The following EPRS1 variants were observed in gnomAD, a reference collection of about 807,000 sequenced individuals.
The protein encoded by EPRS1 is bifunctional glutamate/proline--tRNA ligase.
A neutral mutation model predicts 188.3 loss-of-function variants in EPRS1; 107 were observed. The ratio of observed to expected loss-of-function variants is 0.57; its 90% confidence interval spans 0.49 to 0.67. The LOEUF is 0.67. EPRS1 is among the 30% of genes least tolerant of loss of function. The pLI is 0.00. For synonymous variants in EPRS1, 596 were observed against 593.1 expected, an observed-to-expected ratio of 1.00 and a Z score of -0.07; for missense variants, 1,577 against 1,802.2, an observed-to-expected ratio of 0.88 and a Z score of 2.26.
In EPRS1 at chr1:220,007,252, C is replaced by G. The variant is rs779303670; in HGVS notation, c.1692G>C (p.Glu564Asp). Residue 564 changes from glutamate (E) to aspartate (D), a missense_variant, in exon 14 of 32, where the codon GAG (glutamate) becomes GAC (aspartate). Glu to Asp is a conservative substitution (Grantham distance 45). Coordinates refer to ENST00000366923, the MANE Select transcript of EPRS1 (RefSeq NM_004446.3). ...TGCCCCAATTTATAAATGTAACCAT[C>G]TCACCCTCCGAAAAAGTCTCTGCAT... Reference protein sequence around the residue: ...GADAETFSEGEMVTFINWGNL... With the variant: ...GADAETFSEGDMVTFINWGNL... The G allele has an allele frequency of 1.9e-6, 3 of 1,613,896 alleles. No individual in the cohort carries two copies. The highest frequency in any genetic ancestry group is 1.1e-5 in the South Asian group (1 of 91,082).
At chr1:220,018,324 A>G (rs1331146845) in intron 12 of EPRS1, 125 bp downstream of exon 12, 3 of 973,726 alleles carry the variant, frequency 3.1e-6, no homozygotes, top group Non-Finnish European at 4.8e-6. Flanking sequence ...CATTTTCCTG[A>G]AAGTCTGCAA....
Position 220,033,580 on chromosome 1 carries a change from G to A in EPRS1, c.310C>T (p.His104Tyr). The change falls in exon 4 of 32, where the codon CAT (histidine) becomes TAT (tyrosine). Residue 104 changes from histidine to tyrosine, a missense_variant. By Grantham distance (83) the His-to-Tyr change is moderately conservative (BLOSUM62 2). This residue lies in a region of EPRS1 where 1,278 missense variants were observed against 1,457.4 expected (regional missense o/e 0.88). Transcript: ENST00000366923. ...SFTSTINELN[H>Y]CLSLRTYLVG... ...AAGTATGTTCTCAGAGACAGGCAAT[G>A]ATTGAGTTCATTAATTGTAGAAGTA... 1 of 1,609,666 alleles carries A rather than the reference G, an allele frequency of 6.2e-7. No homozygotes were observed. Among genetic ancestry groups the A allele is most frequent in the East Asian group, 2.2e-5 (1 of 44,790 alleles).
intron 26 of EPRS1, 123 bp downstream of exon 26, chr1:219,979,962 T>C (rs1404167588): frequency 8.4e-6 from 7 of 837,900 alleles, no homozygotes; most frequent in East Asian, 2.5e-5. Flanking sequence ...GAAATTATTA[T>C]ACGAAAGTAC....
At chr1:220,001,564 T>G (rs1661353192) in intron 16 of EPRS1, among the ~76,000 whole-genome samples, 1 of 152,152 alleles carries the variant, frequency 6.6e-6, no homozygotes, top group Admixed American at 6.5e-5. Context: ...CTTGAACTCC[T>G]AACCTCAAGT....
At chr1:219,987,881 T>C (rs1661035657) in intron 19 of EPRS1, among the ~76,000 whole-genome samples, 2 of 152,170 alleles carry the variant, frequency 1.3e-5, no homozygotes, top group African/African-American at 4.8e-5. Context: ...AAATGCTCAA[T>C]AGCCACATGT....
rs547053206 is a variant in EPRS1 at position 220,003,206 on chromosome 1, A to C, written c.2064-1951T>G. Among the ~76,000 whole-genome samples the C allele has an allele frequency of 1.4e-4, 21 of 152,300 alleles. No homozygotes were observed. In the South Asian group the frequency reaches 4.1e-3, roughly 30 times the overall value. ...GATATTTCATTGTCATTTTCATCTG[A>C]ATTTCCCTAACAACTAATGATGCTG... On this transcript the variant is annotated intron_variant, in intron 16 of 31. Coordinates refer to ENST00000366923, the MANE Select transcript of EPRS1 (RefSeq NM_004446.3).
Position 220,020,189 on chromosome 1 carries a change from A to G in EPRS1, c.1148T>C (p.Ile383Thr), listed in dbSNP as rs753465608. 1.2e-6 allele frequency: 2 copies of G among 1,613,620 alleles called. No individual in the cohort carries two copies. Among genetic ancestry groups the G allele is most frequent in the Non-Finnish European group, 1.7e-6 (2 of 1,179,758 alleles). Residue 383 changes from isoleucine (I) to threonine (T), a missense_variant, in exon 10 of 32, where the codon ATA (isoleucine) becomes ACA (threonine). By Grantham distance (89) the Ile-to-Thr change is moderately conservative. This residue lies in a region of EPRS1 where 1,278 missense variants were observed against 1,457.4 expected (regional missense o/e 0.88). Coordinates refer to ENST00000366923, the MANE Select transcript of EPRS1 (RefSeq NM_004446.3). ...TGTAACACCTTCGATGCTGTCAACT[A>G]TGGGGCAGGCAAAATCATATGTTGG... Reference protein sequence around the residue: ...VYPTYDFACPIVDSIEGVTHA... With the variant: ...VYPTYDFACPTVDSIEGVTHA...
Position 219,979,596 on chromosome 1 carries a change from A to T in EPRS1, c.3731T>A (p.Leu1244Ter), listed in dbSNP as rs758487036. ...RAIQGGTSHH[L>*]GQNFSKMFEI... Reference sequence around the variant, plus strand: ...AAACATTTTGGAAAAATTCTGCCCTAAATGATGTGATGTTCCTCCCTAAAA... The same window carrying T: ...AAACATTTTGGAAAAATTCTGCCCTTAATGATGTGATGTTCCTCCCTAAAA... The change falls in exon 27 of 32, where the codon TTA becomes TAA. Residue 1244 changes from leucine (L) to a stop codon, truncating the protein, a stop_gained. Transcript: ENST00000366923. LOFTEE classifies it high-confidence loss of function. 6.2e-7 allele frequency: 1 copy of T among 1,612,922 alleles called. No homozygotes were observed. Among genetic ancestry groups the T allele is most frequent in the Admixed American group, 1.7e-5 (1 of 60,014 alleles).
chr1:220,028,241 T>C (rs1384781033), intron 6 of EPRS1, among the ~76,000 whole-genome samples: 1 of 152,116 alleles, frequency 6.6e-6, no homozygotes, highest in Non-Finnish European at 1.5e-5. Flanking sequence ...AGATTAACAA[T>C]TAGTACCTAT....
chr1:219,987,077 A>T, intron 20 of EPRS1, 65 bp downstream of exon 20: 1 of 1,529,678 alleles, frequency 6.5e-7, no homozygotes, highest in Non-Finnish European at 8.8e-7. Flanking sequence ...AATTTGTTTT[A>T]AAAACTATTA....
intron 9 of EPRS1, among the ~76,000 whole-genome samples, chr1:220,020,518 A>AT (rs781188030): frequency 2.6e-4 from 39 of 152,256 alleles, no homozygotes; most frequent in Admixed American, 9.2e-4. Context: ...TGGCCAATGT[A>AT]TAACATAGTA....
At chr1:219,976,914 GT>G (rs1660792502) in intron 28 of EPRS1, among the ~76,000 whole-genome samples, 1 of 152,030 alleles carries the variant, frequency 6.6e-6, no homozygotes, top group Non-Finnish European at 1.5e-5. Flanking sequence ...TTTCCACATA[GT>G]AAAAAGAAAA....
chr1:219,992,805 T>C (rs1571667092), intron 18 of EPRS1, among the ~76,000 whole-genome samples: 1 of 152,236 alleles, frequency 6.6e-6, no homozygotes, highest in East Asian at 1.9e-4. Context: ...CACGCGCCTG[T>C]AATCCCAGCT....
At chr1:219,975,392 G>T (rs1660756867) in intron 28 of EPRS1, among the ~76,000 whole-genome samples, 1 of 152,150 alleles carries the variant, frequency 6.6e-6, no homozygotes, top group Non-Finnish European at 1.5e-5. Flanking sequence ...GGAATTACAA[G>T]CACAAAATGG....
chr1:220,010,882 C>G (rs1661591452), intron 13 of EPRS1, 64 bp downstream of exon 13: 1 of 909,280 alleles, frequency 1.1e-6, no homozygotes, highest in South Asian at 1.4e-5. Context: ...AGCACATTTT[C>G]CTTTTTATTT....
chr1:220,018,939 T>C, intron 11 of EPRS1, 56 bp downstream of exon 11: 1 of 1,084,776 alleles, frequency 9.2e-7, no homozygotes, highest in South Asian at 1.3e-5. Context: ...AAAGGGACAG[T>C]AATAGAAGTA....
intron 12 of EPRS1, among the ~76,000 whole-genome samples, chr1:220,015,142 G>A (rs538566946): frequency 6.6e-6 from 1 of 152,172 alleles, no homozygotes; most frequent in South Asian, 2.1e-4. Context: ...AGAGTTCCAG[G>A]AGAAGAAATA....
chr1:220,033,594 A>G lies in EPRS1; in HGVS notation c.296T>C (p.Ile99Thr). The change falls in exon 4 of 32, where the codon ATT (isoleucine) becomes ACT (threonine). Residue 99 changes from isoleucine to threonine, a missense_variant. Ile to Thr is a moderately conservative substitution (Grantham distance 89). Around this residue, in one of 3 missense-constraint regions of EPRS1, gnomAD observed 1,278 missense variants for 1,457.4 expected, o/e 0.88. Transcript: ENST00000366923. Reference protein sequence around the residue: ...LSSCDSFTSTINELNHCLSLR... With the variant: ...LSSCDSFTSTTNELNHCLSLR... ...AGACAGGCAATGATTGAGTTCATTA[A>G]TTGTAGAAGTAAAGGAATCACATGA... 1 of 1,608,992 alleles carries G rather than the reference A, an allele frequency of 6.2e-7. No individual in the cohort carries two copies. Among genetic ancestry groups the G allele is most frequent in the Admixed American group, 1.7e-5 (1 of 59,936 alleles).
intron 10 of EPRS1, 67 bp downstream of exon 10, chr1:220,019,921 G>T (rs771873466): frequency 8.4e-6 from 9 of 1,073,740 alleles, no homozygotes; most frequent in Non-Finnish European, 1.3e-5. Context: ...TATCTCTCAA[G>T]CAGTTTAAAA....
Sources: gnomAD v4.1 joint callset for allele counts (sites outside exome capture counted in the v4.1 genomes callset) on GRCh38, gnomAD v4.1.1 for gene constraint, gnomAD v4.1.1 regional missense constraint, MANE v1.5 for transcripts, NCBI Gene and HGNC (gene_info 2026-07-23, HGNC 2026-07-21) for gene names.